The following SPAG6 variants were observed in gnomAD, a reference collection of about 807,000 sequenced individuals.
The protein encoded by SPAG6 is sperm associated antigen 6.
In SPAG6, 49 loss-of-function variants were observed where a neutral mutation model predicts 58.5. The ratio of observed to expected loss-of-function variants is 0.84; its 90% CI spans 0.67 to 1.06. The LOEUF (loss-of-function observed/expected upper bound fraction) is 1.06. SPAG6 is among the 50% of genes least tolerant of loss of function. The pLI is 0.00. For missense variants in SPAG6, 560 were observed against 611.3 expected (o/e 0.92, Z 0.89); for synonymous variants, 233 against 225.6 (o/e 1.03, Z -0.29).
intron 2 of SPAG6, chr10:22,361,138 G>T (rs1019947510): frequency 6.1e-6 from 2 of 327,152 alleles, no homozygotes; most frequent in Non-Finnish European, 5.5e-6. Context: ...TTCCAATAAG[G>T]TTATTCCAAC....
At chr10:22,363,373 T>C (rs375075917) in intron 2 of SPAG6, among the ~76,000 whole-genome samples, 6 of 152,166 alleles carry the variant, frequency 3.9e-5, no homozygotes, top group African/African-American at 1.4e-4. Flanking sequence ...GTATAGATAA[T>C]AATATATAAG....
At chr10:22,357,245 T>C (rs911500629) in intron 2 of SPAG6, among the ~76,000 whole-genome samples, 5 of 152,162 alleles carry the variant, frequency 3.3e-5, no homozygotes, top group Non-Finnish European at 7.3e-5. Context: ...CTGGGTTAGA[T>C]GCTCTGTTGT....
At chr10:22,411,233 C>T (rs1030693173) in intron 10 of SPAG6, 57 bp downstream of exon 10, 2 of 1,465,708 alleles carry the variant, frequency 1.4e-6, no homozygotes, top group Non-Finnish European at 1.9e-6. Context: ...TCTGTTTTCA[C>T]ATCTAGGTTT....
chr10:22,346,497 T>TTCTTCTTCTTTC (rs1554776508), intron 2 of SPAG6, among the ~76,000 whole-genome samples: 1 of 74,378 alleles, frequency 1.3e-5, no homozygotes, highest in Non-Finnish European at 2.8e-5. Flanking sequence ...CTTCTTCTTC[T>TTCTTCTTCTTTC]TTCTTCTTCT....
In SPAG6 at chr10:22,417,388, G is replaced by A. The variant is rs1235566753; in HGVS notation, c.*700G>A. ...ATACATGCTCTCCCTCTCATTGAAA[G>A]GTTTCTTAGTCTAGCTCTGCTCATG... On this transcript the variant is annotated 3_prime_UTR_variant, in exon 11 of 11. Transcript: ENST00000376624. The A allele has an allele frequency of 6.6e-6, 1 of 152,090 alleles. No homozygotes were observed. The highest frequency in any genetic ancestry group is 2.4e-5 in the African/African-American group (1 of 41,406). The allele number at this position is 152,090 out of a possible 1,614,324, so 9.4% of individuals were successfully genotyped here. A position where few individuals can be genotyped will look rare whatever the true frequency, so the allele number is the denominator to read the frequency against.
At chr10:22,366,484 T>C (rs1257551253) in intron 3 of SPAG6, among the ~76,000 whole-genome samples, 1 of 152,218 alleles carries the variant, frequency 6.6e-6, no homozygotes, top group Non-Finnish European at 1.5e-5. Context: ...AACTATATAG[T>C]GGTGATGGTT....
intron 9 of SPAG6, among the ~76,000 whole-genome samples, chr10:22,407,642 C>G (rs2130634731): frequency 6.6e-6 from 1 of 152,096 alleles, no homozygotes; most frequent in Admixed American, 6.5e-5. Context: ...CGAGGAGTAT[C>G]TTTGTGGCGT....
chr10:22,400,512 G>C (rs1015720722), intron 8 of SPAG6, among the ~76,000 whole-genome samples: 1 of 151,744 alleles, frequency 6.6e-6, no homozygotes, highest in African/African-American at 2.4e-5. Context: ...AGTGCAGGAG[G>C]GGGTAGAAAT....
chr10:22,387,401 A>G (rs1834092172), intron 5 of SPAG6, among the ~76,000 whole-genome samples: 1 of 152,230 alleles, frequency 6.6e-6, no homozygotes, highest in Admixed American at 6.5e-5. Context: ...TAATGTTTTA[A>G]AATTGTTAAC....
chr10:22,381,376 A>G (rs1238805578), intron 4 of SPAG6, among the ~76,000 whole-genome samples: 2 of 151,726 alleles, frequency 1.3e-5, no homozygotes, highest in Non-Finnish European at 2.9e-5. Flanking sequence ...ATAATTTCAC[A>G]TTAAAAAAAA....
chr10:22,346,507 T>C (rs1036712552), intron 2 of SPAG6, among the ~76,000 whole-genome samples: 2 of 148,310 alleles, frequency 1.3e-5, no homozygotes, highest in East Asian at 2.0e-4. Flanking sequence ...TTTCTTCTTC[T>C]TCTTCCTCTT....
At chr10:22,351,353 G>A (rs895559131) in intron 2 of SPAG6, among the ~76,000 whole-genome samples, 5 of 152,156 alleles carry the variant, frequency 3.3e-5, no homozygotes, top group Admixed American at 2.6e-4. Context: ...TTAAACGCAC[G>A]CAGAGGAAAG....
chr10:22,381,509 G>C (rs1033674786), intron 4 of SPAG6, among the ~76,000 whole-genome samples: 1 of 148,748 alleles, frequency 6.7e-6, no homozygotes, highest in Non-Finnish European at 1.5e-5. Context: ...CCCACTCCCC[G>C]ACCTTTTTTT....
At chr10:22,409,157 G>A (rs1834653297) in intron 9 of SPAG6, among the ~76,000 whole-genome samples, 2 of 152,052 alleles carry the variant, frequency 1.3e-5, no homozygotes. Context: ...TACCTCCCAT[G>A]AATATTTTCT....
At chr10:22,405,384 A>T (rs1307207960) in intron 9 of SPAG6, among the ~76,000 whole-genome samples, 2 of 151,788 alleles carry the variant, frequency 1.3e-5, no homozygotes, top group Non-Finnish European at 2.9e-5. Context: ...TTCTGCATCT[A>T]TTGAGATAAT....
At chr10:22,364,619 T>G (rs1292519214) in intron 2 of SPAG6, among the ~76,000 whole-genome samples, 1 of 152,196 alleles carries the variant, frequency 6.6e-6, no homozygotes, top group East Asian at 1.9e-4. Context: ...GATTCTTACC[T>G]AAATCCAAAG....
At chr10:22,403,271 C>T (rs1319166449) in intron 9 of SPAG6, among the ~76,000 whole-genome samples, 1 of 152,180 alleles carries the variant, frequency 6.6e-6, no homozygotes, top group Non-Finnish European at 1.5e-5. Flanking sequence ...TCTCCCAATG[C>T]TATCCCTCCC....
chr10:22,383,182 A>C (rs1833995302), intron 4 of SPAG6, among the ~76,000 whole-genome samples: 1 of 152,368 alleles, frequency 6.6e-6, no homozygotes, highest in African/African-American at 2.4e-5. Flanking sequence ...CTAAGTTGGT[A>C]CATATCAATC....
chr10:22,349,069 G>A (rs1428892657), intron 2 of SPAG6, among the ~76,000 whole-genome samples: 2 of 151,902 alleles, frequency 1.3e-5, no homozygotes, highest in Admixed American at 6.6e-5. Flanking sequence ...GGCTGGTCTC[G>A]AACTCCTGAC....
Sources: allele counts gnomAD v4.1 joint callset (sites outside exome capture counted in the v4.1 genomes callset), GRCh38; gene constraint gnomAD v4.1.1; transcripts MANE v1.5; gene names NCBI Gene and HGNC (gene_info 2026-07-23, HGNC 2026-07-21).